The following DLGAP2 variants were observed in gnomAD, a reference collection of about 807,000 sequenced individuals.
DLGAP2 encodes the protein disks large-associated protein 2.
DLGAP2 carries 26 observed loss-of-function variants against 100.3 expected under a neutral mutation model. The ratio of observed to expected loss-of-function variants is 0.26; its 90% CI spans 0.19 to 0.36. The LOEUF is 0.36. DLGAP2 is among the 10% of genes least tolerant of loss of function. The pLI, the probability that DLGAP2 is intolerant of heterozygous loss-of-function variation, is 1.00. For missense variants in DLGAP2, 1,858 were observed against 1,453.2 expected, an observed-to-expected ratio of 1.28 and a Z score of -4.53; for synonymous variants, 886 against 630.1, an observed-to-expected ratio of 1.41 and a Z score of -6.08.
chr8:1,144,617 G>C (rs1365542151), intron 2 of DLGAP2, among the ~76,000 whole-genome samples: 2 of 152,228 alleles, frequency 1.3e-5, no homozygotes, highest in African/African-American at 4.8e-5. Flanking sequence ...CAAATACGGA[G>C]AAGTTGCGTC....
chr8:932,478 T>C (rs1359863044), intron 2 of DLGAP2, among the ~76,000 whole-genome samples: 2 of 152,278 alleles, frequency 1.3e-5, no homozygotes, highest in African/African-American at 4.8e-5. Flanking sequence ...GTTTTGTTTT[T>C]TCATTTCCTA....
At chr8:945,984 C>T (rs1799309385) in intron 2 of DLGAP2, among the ~76,000 whole-genome samples, 1 of 152,144 alleles carries the variant, frequency 6.6e-6, no homozygotes. Flanking sequence ...TAGTTGATGA[C>T]TGTGCCCCAC....
At chr8:801,138 T>C (rs774890127) in intron 1 of DLGAP2, among the ~76,000 whole-genome samples, 7 of 152,344 alleles carry the variant, frequency 4.6e-5, no homozygotes, top group Non-Finnish European at 8.8e-5. Context: ...CCGAAGGCGT[T>C]GTGCCTGCGT....
intron 8 of DLGAP2, among the ~76,000 whole-genome samples, chr8:1,663,435 C>T (rs1798465116): frequency 6.6e-6 from 1 of 152,098 alleles, no homozygotes; most frequent in African/African-American, 2.4e-5. Context: ...GGATGCTTAT[C>T]TCCGCTTCGT....
chr8:1,424,068 C>G (rs2129947864), intron 3 of DLGAP2, among the ~76,000 whole-genome samples: 1 of 152,354 alleles, frequency 6.6e-6, no homozygotes, highest in South Asian at 2.1e-4. Context: ...GTGTGAGATA[C>G]TCTCCCATGG....
chr8:1,151,800 T>C (rs1003913255), intron 2 of DLGAP2, among the ~76,000 whole-genome samples: 2 of 152,232 alleles, frequency 1.3e-5, no homozygotes, highest in African/African-American at 4.8e-5. Context: ...CTCTTTGTAC[T>C]GTTGCAGTCA....
chr8:1,696,149 C>A (rs1437012549), intron 13 of DLGAP2, among the ~76,000 whole-genome samples: 2 of 152,228 alleles, frequency 1.3e-5, no homozygotes, highest in Non-Finnish European at 2.9e-5. Flanking sequence ...CCTCCTCTGA[C>A]TCTTTTAAAT....
intron 2 of DLGAP2, among the ~76,000 whole-genome samples, chr8:1,098,550 C>T (rs1804466453): frequency 6.6e-6 from 1 of 151,888 alleles, no homozygotes. Flanking sequence ...AGCGGGCTGG[C>T]CCCACCCTGC....
intron 3 of DLGAP2, chr8:1,302,641 C>A (rs138526019): frequency 6.6e-6 from 1 of 152,302 alleles, no homozygotes; most frequent in African/African-American, 2.4e-5. Flanking sequence ...ATACCCGGGA[C>A]TGGACTCAGC....
At chr8:1,532,156 A>G (rs1801007276) in intron 4 of DLGAP2, among the ~76,000 whole-genome samples, 1 of 152,200 alleles carries the variant, frequency 6.6e-6, no homozygotes, top group Admixed American at 6.5e-5. Flanking sequence ...AGTGGGAGGC[A>G]GGTTTGCCCT....
chr8:1,352,417 C>T (rs568862106), intron 3 of DLGAP2, among the ~76,000 whole-genome samples: 1 of 152,284 alleles, frequency 6.6e-6, no homozygotes, highest in East Asian at 1.9e-4. Context: ...GCGACTCTCC[C>T]TGTACCTGCC....
At chr8:912,812 C>T (rs985106003) in intron 2 of DLGAP2, among the ~76,000 whole-genome samples, 19 of 145,888 alleles carry the variant, frequency 1.3e-4, no homozygotes, top group Non-Finnish European at 2.3e-4. Context: ...GCCGGCTTCC[C>T]ACACCACAGT....
intron 6 of DLGAP2, among the ~76,000 whole-genome samples, chr8:1,588,109 T>C (rs1280298141): frequency 6.6e-6 from 1 of 152,162 alleles, no homozygotes; most frequent in Admixed American, 6.5e-5. Flanking sequence ...GAACAACCAT[T>C]CCTTAAATAT....
intron 7 of DLGAP2, 138 bp from the exon 8 acceptor site, chr8:1,632,689 T>C: frequency 1.3e-6 from 1 of 781,204 alleles, no homozygotes; most frequent in South Asian, 1.9e-5. Context: ...CCGATGCCCA[T>C]GCTGACTTCA....
At chr8:758,077 C>T (rs1002573120) in intron 1 of DLGAP2, among the ~76,000 whole-genome samples, 2 of 152,158 alleles carry the variant, frequency 1.3e-5, no homozygotes, top group Admixed American at 6.5e-5. Flanking sequence ...CACCACTTAC[C>T]ATATGTGGCT....
intron 2 of DLGAP2, among the ~76,000 whole-genome samples, chr8:1,125,904 A>G (rs1050872343): frequency 6.6e-6 from 1 of 152,194 alleles, no homozygotes; most frequent in Non-Finnish European, 1.5e-5. Flanking sequence ...TGGGAGTTGA[A>G]GAAGGACCCA....
chr8:1,240,159 GTGT>G (rs1798754606), intron 2 of DLGAP2, among the ~76,000 whole-genome samples: 1 of 145,030 alleles, frequency 6.9e-6, no homozygotes, highest in African/African-American at 2.6e-5. Flanking sequence ...CTCATACATA[GTGT>G]CATGTCTAGT....
intron 3 of DLGAP2, among the ~76,000 whole-genome samples, chr8:1,367,688 T>G (rs1056455335): frequency 6.6e-6 from 1 of 152,242 alleles, no homozygotes; most frequent in African/African-American, 2.4e-5. Context: ...GTCTTAGTTT[T>G]GTAACAAAGA....
intron 3 of DLGAP2, among the ~76,000 whole-genome samples, chr8:1,449,933 G>C (rs867398861): frequency 8.9e-4 from 85 of 96,032 alleles, no homozygotes; most frequent in East Asian, 1.5e-3. Context: ...CTCGGTGGCT[G>C]AGGCGGAGCT....
Sources: gnomAD v4.1 joint callset for allele counts (sites outside exome capture counted in the v4.1 genomes callset) on GRCh38, gnomAD v4.1.1 for gene constraint, MANE v1.5 for transcripts, NCBI Gene and HGNC (gene_info 2026-07-23, HGNC 2026-07-21) for gene names.